Variants in VPS13D observed in about 807,000 individuals in gnomAD.
The protein encoded by VPS13D is vacuolar protein sorting 13 homolog D, also known as intermembrane lipid transfer protein VPS13D.
In VPS13D, 187 loss-of-function variants were observed where a neutral mutation model predicts 461.9. That is an observed-to-expected ratio of 0.40 (90% CI 0.36 to 0.46). The LOEUF (loss-of-function observed/expected upper bound fraction) is 0.46, where lower values mean the gene tolerates loss of function less well. VPS13D is among the 20% of genes least tolerant of loss of function. VPS13D has a pLI of 0.60. For missense variants in VPS13D, 4,711 were observed against 5,364.9 expected (o/e 0.88, Z 3.81); for synonymous variants, 1,951 against 1,986.3 (o/e 0.98, Z 0.47).
intron 67 of VPS13D, among the ~76,000 whole-genome samples, chr1:12,471,120 A>G (rs1354858936): frequency 6.6e-6 from 1 of 152,126 alleles, no homozygotes; most frequent in Non-Finnish European, 1.5e-5. Context: ...GGCCAACATG[A>G]TGAAATCCTG....
chr1:12,409,531 G>A (rs1236796139), intron 63 of VPS13D, among the ~76,000 whole-genome samples: 1 of 152,068 alleles, frequency 6.6e-6, no homozygotes, highest in African/African-American at 2.4e-5. Flanking sequence ...AATCACAATA[G>A]AAAAAATATA....
intron 52 of VPS13D, among the ~76,000 whole-genome samples, chr1:12,365,133 A>G (rs1007500350): frequency 6.6e-6 from 1 of 152,230 alleles, no homozygotes; most frequent in Non-Finnish European, 1.5e-5. Flanking sequence ...TCTTTATGCC[A>G]GTACCACCCT....
At position 12,354,239 on chromosome 1, in the gene VPS13D, T is replaced by C; in HGVS notation, c.9679+18T>C. The C allele has an allele frequency of 6.2e-7, 1 of 1,612,366 alleles. No homozygotes were observed. The highest frequency in any genetic ancestry group is 8.5e-7 in the Non-Finnish European group (1 of 1,178,634). ...TGAGCTGGGTAAGAATGTAGTCAGA[T>C]GATCATTTGTCATAATCCTATGAAA... On this transcript the variant is annotated intron_variant, in intron 47 of 69. Coordinates refer to ENST00000620676, the MANE Select transcript of VPS13D (RefSeq NM_015378.4).
At chr1:12,405,202 G>A (rs1288212651) in intron 63 of VPS13D, among the ~76,000 whole-genome samples, 2 of 152,232 alleles carry the variant, frequency 1.3e-5, no homozygotes, top group Admixed American at 1.3e-4. Context: ...CCAGCCGCTT[G>A]CTGTCATGGA....
At chr1:12,497,963 T>TA (rs1417949899) in intron 68 of VPS13D, among the ~76,000 whole-genome samples, 2 of 152,366 alleles carry the variant, frequency 1.3e-5, no homozygotes, top group East Asian at 3.9e-4. Context: ...AAAAATTTCT[T>TA]AAAGTTTGAT....
At chr1:12,346,311 A>T (rs1643675401) in intron 43 of VPS13D, among the ~76,000 whole-genome samples, 1 of 152,204 alleles carries the variant, frequency 6.6e-6, no homozygotes, top group African/African-American at 2.4e-5. Context: ...CCTTTTCAGG[A>T]TTACTTTTCA....
chr1:12,246,840 C>T (rs9430214), intron 5 of VPS13D, among the ~76,000 whole-genome samples: 6,119 of 152,178 alleles, frequency 0.04, 250 homozygotes, highest in African/African-American at 0.11. Flanking sequence ...AGAGTCCTTG[C>T]GTTTCTCAGG....
Position 12,385,375 on chromosome 1 carries a change from T to C in VPS13D, c.11484+2T>C. ...CCAGATACAGAGCAGGAATTGGAAG[T>C]AAGGTCTAAATATTGTGAATTTATT... On this transcript the variant is annotated splice_donor_variant, in intron 59 of 69. Transcript: ENST00000620676. LOFTEE classifies it high-confidence loss of function. 1 of 1,608,418 alleles carries C rather than the reference T, an allele frequency of 6.2e-7. No individual in the cohort carries two copies. The highest frequency in any genetic ancestry group is 8.5e-7 in the Non-Finnish European group (1 of 1,176,824).
At chr1:12,427,506 G>A (rs1644938197) in intron 65 of VPS13D, among the ~76,000 whole-genome samples, 1 of 151,638 alleles carries the variant, frequency 6.6e-6, no homozygotes, top group African/African-American at 2.4e-5. Context: ...GGATAGTTGT[G>A]TCTGTACTGA....
chr1:12,505,049 C>G lies in VPS13D; in HGVS notation c.12795-1804C>G, dbSNP rs1388929581. 6.6e-6 allele frequency among the ~76,000 whole-genome samples: 1 copy of G among 152,208 alleles called. No homozygotes were observed. Among genetic ancestry groups the G allele is most frequent in the Non-Finnish European group, 1.5e-5 (1 of 68,042 alleles). On this transcript the variant is annotated intron_variant, in intron 68 of 69. Transcript: ENST00000620676. This position sits in a 1 kb window ranked among gnomAD's most constrained non-coding sequence, Gnocchi z 4.2. ...GATTTTTCATGCACATTCCTGCTGT[C>G]ATCCCAATCATGGTGGCCAACTTTG... is the stretch of plus-strand genomic sequence containing the variant.
In VPS13D at chr1:12,338,272, C is replaced by T. The variant is rs981216521; in HGVS notation, c.8593C>T (p.Leu2865=). ...CCTTAGAACTAGGAGTACAGCCAGT[C>T]TGACTAACCTAGAGCACCAGATCTA... ...VYLRTRSTAS[L]TNLEHQIYAR... is the part of the protein sequence containing the mutation. Residue 2865 remains leucine (L), a synonymous_variant, in exon 40 of 70, where the codon CTG becomes TTG. Coordinates refer to ENST00000620676, the MANE Select transcript of VPS13D (RefSeq NM_015378.4). 1.4e-5 allele frequency: 23 copies of T among 1,613,786 alleles called. No homozygotes were observed. Among genetic ancestry groups the T allele is most frequent in the Non-Finnish European group, 1.9e-5 (23 of 1,179,764 alleles).
intron 68 of VPS13D, chr1:12,499,358 G>GT: frequency 1.0e-5 from 7 of 696,172 alleles, no homozygotes; most frequent in Non-Finnish European, 1.2e-5. Context: ...TCATTTGGGG[G>GT]TTTTTTAGTC....
chr1:12,390,409 T>C (rs1174679705), intron 60 of VPS13D, among the ~76,000 whole-genome samples: 2 of 152,170 alleles, frequency 1.3e-5, no homozygotes, highest in Admixed American at 1.3e-4. Flanking sequence ...ATGAGGAACA[T>C]GGTAAGACCA....
chr1:12,308,693 A>G, intron 27 of VPS13D, 52 bp downstream of exon 27: 9 of 1,571,028 alleles, frequency 5.7e-6, no homozygotes, highest in Non-Finnish European at 7.8e-6. Context: ...TTCACCAGGC[A>G]GGGTGGAGTG....
intron 38 of VPS13D, among the ~76,000 whole-genome samples, chr1:12,334,113 T>A (rs754350512): frequency 1.2e-4 from 18 of 152,222 alleles, no homozygotes; most frequent in Non-Finnish European, 2.4e-4. Flanking sequence ...GGATTGAGGC[T>A]GTTAGAATAT....
intron 35 of VPS13D, among the ~76,000 whole-genome samples, chr1:12,324,891 T>C (rs1468315861): frequency 6.6e-6 from 1 of 152,214 alleles, no homozygotes; most frequent in East Asian, 1.9e-4. Context: ...CCAGCTCAGA[T>C]TGGTTAGGTA....
At chr1:12,248,140 C>T (rs1569667099) in intron 5 of VPS13D, among the ~76,000 whole-genome samples, 1 of 151,990 alleles carries the variant, frequency 6.6e-6, no homozygotes, top group African/African-American at 2.4e-5. Flanking sequence ...CCGACTGCCT[C>T]GGCCTCCCAA....
chr1:12,305,750 G>A (rs1226226000), intron 26 of VPS13D, among the ~76,000 whole-genome samples: 2 of 152,162 alleles, frequency 1.3e-5, no homozygotes, highest in African/African-American at 4.8e-5. Flanking sequence ...AGAGGCTGCT[G>A]AGTGTCTTGT....
intron 57 of VPS13D, among the ~76,000 whole-genome samples, chr1:12,380,218 A>G (rs1340972337): frequency 2.0e-5 from 3 of 152,036 alleles, no homozygotes. Flanking sequence ...GTAATTTTAA[A>G]AAGAAAAAAA....
Sources: allele counts gnomAD v4.1 joint callset (sites outside exome capture counted in the v4.1 genomes callset), GRCh38; gene constraint gnomAD v4.1.1; non-coding constraint Gnocchi (gnomAD v3.1); transcripts MANE v1.5; gene names NCBI Gene and HGNC (gene_info 2026-07-23, HGNC 2026-07-21).